The following CMPK1 variants were observed in gnomAD, a reference collection of about 807,000 sequenced individuals.
CMPK1 encodes cytidine/uridine monophosphate kinase 1.
CMPK1 carries 10 observed loss-of-function variants against 25.7 expected under a neutral mutation model. The ratio of observed to expected loss-of-function variants is 0.39; its 90% CI spans 0.24 to 0.66. The LOEUF is 0.66. Ranked by LOEUF, CMPK1 falls within the 30% of genes least tolerant of loss-of-function variation. The pLI is 0.48. For synonymous variants in CMPK1, 106 were observed against 101.5 expected (o/e 1.04, Z -0.27); for missense variants, 199 against 280.5 (o/e 0.71, Z 2.08).
rs537680955 is a variant in CMPK1 at position 47,378,642 on chromosome 1, GTTGA to G, written c.*1902_*1905del. On this transcript the variant is annotated 3_prime_UTR_variant, in exon 6 of 6. Coordinates refer to ENST00000371873, the MANE Select transcript of CMPK1 (RefSeq NM_016308.3). ...CATGTTGGCAACATTGAGTTTTGGA[GTTGA>G]TTGAGATAATATGACTTAACTAGTT... The G allele has an allele frequency of 2.6e-5, 4 of 152,166 alleles. No individual in the cohort carries two copies. The highest frequency in any genetic ancestry group is 5.9e-5 in the Non-Finnish European group (4 of 68,040). 9.4% of individuals were successfully genotyped at this position (152,166 alleles called of 1,614,324 possible). A position where few individuals can be genotyped will look rare whatever the true frequency, so the allele number is the denominator to read the frequency against.
chr1:47,350,757 A>G (rs1646517345), intron 1 of CMPK1, among the ~76,000 whole-genome samples: 1 of 151,916 alleles, frequency 6.6e-6, no homozygotes, highest in Admixed American at 6.6e-5. Context: ...AAAAGAAAAA[A>G]TTAGCCAGGC....
At chr1:47,338,561 C>T (rs1232111010) in intron 1 of CMPK1, among the ~76,000 whole-genome samples, 5 of 133,594 alleles carry the variant, frequency 3.7e-5, no homozygotes, top group African/African-American at 1.4e-4. Context: ...CTCTCCTTCC[C>T]TCCCTCCCTC....
intron 1 of CMPK1, among the ~76,000 whole-genome samples, chr1:47,337,810 A>ATTT: frequency 6.6e-6 from 1 of 151,920 alleles, no homozygotes; most frequent in African/African-American, 2.4e-5. Context: ...ACGGGGTTTC[A>ATTT]CTATGTTGGC....
chr1:47,342,612 T>G (rs539066533), intron 1 of CMPK1, among the ~76,000 whole-genome samples: 2 of 151,892 alleles, frequency 1.3e-5, no homozygotes, highest in African/African-American at 4.8e-5. Flanking sequence ...ATCTATTTTC[T>G]GAGATTTTTG....
chr1:47,370,837 G>T (rs958014209), intron 2 of CMPK1, among the ~76,000 whole-genome samples: 6 of 151,064 alleles, frequency 4.0e-5, no homozygotes, highest in African/African-American at 1.5e-4. Flanking sequence ...TGTAATCCCA[G>T]CTGCTCGGGA....
chr1:47,370,197 G>T (rs541006357), intron 2 of CMPK1, among the ~76,000 whole-genome samples: 1 of 151,932 alleles, frequency 6.6e-6, no homozygotes, highest in African/African-American at 2.4e-5. Flanking sequence ...GATTACAGGC[G>T]TGAGACACCA....
rs1646638466 is a variant in CMPK1 at position 47,366,134 on chromosome 1, C to T, written c.172-2335C>T. Among the ~76,000 whole-genome samples the T allele has an allele frequency of 2.6e-5, 4 of 152,198 alleles. No individual in the cohort carries two copies. In the South Asian group the frequency reaches 8.3e-4, roughly 31 times the overall value. ...GCTTGAACCTGGGAAGCAGAGGTTGCAGTGAGCAGAGATGGTGCTCCAGCC... is the reference window on the plus strand; with the variant it reads ...GCTTGAACCTGGGAAGCAGAGGTTGTAGTGAGCAGAGATGGTGCTCCAGCC... On this transcript the variant is annotated intron_variant, in intron 1 of 5. Transcript: ENST00000371873.
At chr1:47,373,259 T>C (rs1646688618) in intron 3 of CMPK1, 152 bp downstream of exon 3, 1 of 561,858 alleles carries the variant, frequency 1.8e-6, no homozygotes, top group Non-Finnish European at 2.8e-6. Flanking sequence ...TGTCTTGCTG[T>C]TGGAGTATTA....
intron 1 of CMPK1, among the ~76,000 whole-genome samples, chr1:47,347,306 C>T (rs1450409776): frequency 2.0e-5 from 3 of 151,348 alleles, no homozygotes; most frequent in African/African-American, 4.9e-5. Context: ...AACTCCTGGA[C>T]TCAGGCCATC....
intron 1 of CMPK1, among the ~76,000 whole-genome samples, chr1:47,366,383 C>T (rs1406344734): frequency 6.6e-6 from 1 of 152,084 alleles, no homozygotes; most frequent in African/African-American, 2.4e-5. Context: ...TCTTGCTTTC[C>T]TCAAAACTGG....
Position 47,375,283 on chromosome 1 carries a change from C to T in CMPK1, c.635C>T (p.Ser212Phe). The T allele has an allele frequency of 6.3e-7, 1 of 1,583,854 alleles. No homozygotes were observed. The highest frequency in any genetic ancestry group is 8.6e-7 in the Non-Finnish European group (1 of 1,163,944). The part of the protein sequence containing the change: ...GKVKKIDASK[S>F]VDEVFDEVVQ... ...GTCAAGAAAATAGATGCTTCTAAAT[C>T]TGTTGATGAAGTAAGTGTTCCTAGC... Residue 212 changes from serine (S) to phenylalanine (F), a missense_variant, in exon 5 of 6, where the codon TCT (serine) becomes TTT (phenylalanine). By Grantham distance (155) the Ser-to-Phe change is radical. Transcript: ENST00000371873.
At position 47,373,077 on chromosome 1, in the gene CMPK1, T is replaced by C; in HGVS notation, c.441T>C (p.Ser147=). Residue 147 remains serine, a synonymous_variant, in exon 3 of 6, where the codon TCT becomes TCC. Coordinates refer to ENST00000371873, the MANE Select transcript of CMPK1 (RefSeq NM_016308.3). Reference sequence around the variant, plus strand: ...CCATGGATGGGAAGGCAGATGTATCTTTCGTTCTCTTTTTTGACTGTAATA... The same window carrying C: ...CCATGGATGGGAAGGCAGATGTATCCTTCGTTCTCTTTTTTGACTGTAATA... ...NKTMDGKADV[S]FVLFFDCNNE... is the part of the protein sequence containing the mutation. The C allele has an allele frequency of 6.2e-7, 1 of 1,608,786 alleles. No individual in the cohort carries two copies. The highest frequency in any genetic ancestry group is 8.5e-7 in the Non-Finnish European group (1 of 1,177,096).
At chr1:47,369,975 C>T (rs1433753287) in intron 2 of CMPK1, among the ~76,000 whole-genome samples, 11 of 138,970 alleles carry the variant, frequency 7.9e-5, no homozygotes, top group African/African-American at 3.0e-4. Context: ...AGTGCAGTGG[C>T]GTGAACTCGG....
At chr1:47,344,972 A>C (rs1424871231) in intron 1 of CMPK1, among the ~76,000 whole-genome samples, 1 of 151,862 alleles carries the variant, frequency 6.6e-6, no homozygotes, top group South Asian at 2.1e-4. Context: ...GCTGGAGTGC[A>C]GTGGTGCGAT....
chr1:47,355,477 G>A (rs12127982), intron 1 of CMPK1, among the ~76,000 whole-genome samples: 57,406 of 150,764 alleles, frequency 0.38, 13,689 homozygotes, highest in Non-Finnish European at 0.51. Context: ...ACTATGCCCA[G>A]CTAATTTTTG....
chr1:47,340,409 T>A (rs1163708727), intron 1 of CMPK1, among the ~76,000 whole-genome samples: 1 of 152,200 alleles, frequency 6.6e-6, no homozygotes, highest in Non-Finnish European at 1.5e-5. Context: ...GTGCTGGGAT[T>A]GCATCGTAAG....
chr1:47,334,465 T>C (rs1457786335), intron 1 of CMPK1, among the ~76,000 whole-genome samples: 1 of 152,218 alleles, frequency 6.6e-6, no homozygotes, highest in Non-Finnish European at 1.5e-5. Context: ...AGCGTGTCGC[T>C]GATCGTGTGG....
intron 1 of CMPK1, among the ~76,000 whole-genome samples, chr1:47,343,112 G>A (rs1646453960): frequency 6.7e-6 from 1 of 149,554 alleles, no homozygotes; most frequent in Non-Finnish European, 1.5e-5. Flanking sequence ...TCCACTTCCC[G>A]AGTAGCTGAG....
rs2149335342 is a variant in CMPK1, at chr1:47,374,981, A to G, written c.544A>G (p.Lys182Glu). Residue 182 changes from lysine (K) to glutamate (E), a missense_variant, in exon 4 of 6, where the codon AAG becomes GAG. By Grantham distance (56) the Lys-to-Glu change is moderately conservative. Around this residue, in one of 2 missense-constraint regions of CMPK1, gnomAD observed 140 missense variants for 235.5 expected, o/e 0.59. Coordinates refer to ENST00000371873, the MANE Select transcript of CMPK1 (RefSeq NM_016308.3). Reference sequence around the variant, plus strand: ...TGATGACAACAGAGAGAGCTTGGAAAAGAGGTACTTGGCAGTTTTTACATA... The same window carrying G: ...TGATGACAACAGAGAGAGCTTGGAAGAGAGGTACTTGGCAGTTTTTACATA... ...RSDDNRESLEKRIQTYLQSTK... is the reference protein window; with the variant it reads ...RSDDNRESLEERIQTYLQSTK... 6.2e-7 allele frequency: 1 copy of G among 1,611,948 alleles called. No homozygotes were observed. Among genetic ancestry groups the G allele is most frequent in the East Asian group, 2.2e-5 (1 of 44,860 alleles).
Sources: allele counts gnomAD v4.1 joint callset (sites outside exome capture counted in the v4.1 genomes callset), GRCh38; gene constraint gnomAD v4.1.1; regional missense constraint gnomAD v4.1.1; transcripts MANE v1.5; gene names NCBI Gene and HGNC (gene_info 2026-07-23, HGNC 2026-07-21).